Variants in MTMR4 observed in about 807,000 individuals in gnomAD.
The protein encoded by MTMR4 is phosphatidylinositol-3,5-bisphosphate 3-phosphatase MTMR4.
Under a neutral mutation model 125.5 loss-of-function variants are expected in MTMR4, and 30 were observed. The ratio of observed to expected loss-of-function variants is 0.24; its 90% CI spans 0.18 to 0.32. The LOEUF (loss-of-function observed/expected upper bound fraction) is 0.32, where lower values mean the gene tolerates loss of function less well. MTMR4 is among the 10% of genes least tolerant of loss of function. MTMR4 has a pLI of 1.00. For synonymous variants in MTMR4, 498 were observed against 564.5 expected, an observed-to-expected ratio of 0.88 and a Z score of 1.67; for missense variants, 1,039 against 1,511.5, an observed-to-expected ratio of 0.69 and a Z score of 5.18.
In MTMR4 at chr17:58,496,155, C is replaced by A. The variant is rs373927974; in HGVS notation, c.2029G>T (p.Val677Leu). Residue 677 changes from valine (V) to leucine (L), a missense_variant, in exon 15 of 18, where the codon GTA becomes TTA. Around this residue, in one of 6 missense-constraint regions of MTMR4, gnomAD observed 619 missense variants for 714.5 expected, o/e 0.87. Coordinates refer to ENST00000682306, the MANE Select transcript of MTMR4 (RefSeq NM_001378067.1). The part of the protein sequence containing the change: ...GSETSFVDSG[V>L]GGPQQTVGEV... ...CCTACAGTTTGCTGAGGCCCTCCTA[C>A]CCCAGAGTCCACAAAGCTTGTCTCT... 3.7e-6 allele frequency: 6 copies of A among 1,614,178 alleles called. No homozygotes were observed. The East Asian group carries it at 1.3e-4, about 36-fold the overall frequency.
intron 7 of MTMR4, 92 bp from the exon 8 acceptor site, chr17:58,507,411 AG>A: frequency 8.7e-7 from 1 of 1,148,656 alleles, no homozygotes; most frequent in South Asian, 1.5e-5. Flanking sequence ...TAGAGCCAGC[AG>A]GGGCTACCAA....
At position 58,495,350 on chromosome 17, in the gene MTMR4, C is replaced by T. The variant is rs1350892333; in HGVS notation, c.2834G>A (p.Gly945Asp). Reference sequence around the variant, plus strand: ...ACTGTTTGGCCTCTTGCTACAACAGCCATAGGAAAGCAGCCGCCGAGGGGT... The same window carrying T: ...ACTGTTTGGCCTCTTGCTACAACAGTCATAGGAAAGCAGCCGCCGAGGGGT... Reference protein sequence around the residue: ...EATPRRLLSYGCCSKRPNSKQ... With the variant: ...EATPRRLLSYDCCSKRPNSKQ... The change falls in exon 15 of 18, where the codon GGC (glycine) becomes GAC (aspartate). Residue 945 changes from glycine (G) to aspartate (D), a missense_variant. Gly to Asp is a moderately conservative substitution (Grantham distance 94). Coordinates refer to ENST00000682306, the MANE Select transcript of MTMR4 (RefSeq NM_001378067.1). 2 of 1,614,118 alleles carry T rather than the reference C, an allele frequency of 1.2e-6. No homozygotes were observed. The highest frequency in any genetic ancestry group is 1.7e-5 in the Admixed American group (1 of 60,010).
Position 58,504,885 on chromosome 17 carries a change from C to T in MTMR4, c.1235G>A (p.Arg412Gln), listed in dbSNP as rs757153529. 6.2e-6 allele frequency: 10 copies of T among 1,614,112 alleles called. No homozygotes were observed. Among genetic ancestry groups the T allele is most frequent in the African/African-American group, 5.3e-5 (4 of 74,946 alleles). ...AAVLVANTVD[R>Q]EGRPVLVHCS... ...GTGTACCAGCACAGGCCGGCCTTCC[C>T]GGTCTACTGTATTAGCCACCAGCAC... The change falls in exon 11 of 18, where the codon CGG becomes CAG. Residue 412 changes from arginine (R) to glutamine (Q), a missense_variant. Physicochemically the swap from Arg to Gln is conservative, Grantham distance 43 (BLOSUM62 1). This residue lies in a region of MTMR4 where 107 missense variants were observed against 267.4 expected (regional missense o/e 0.40). Coordinates refer to ENST00000682306, the MANE Select transcript of MTMR4 (RefSeq NM_001378067.1). This position sits in a 1 kb window ranked among gnomAD's most constrained non-coding sequence, Gnocchi z 7.1.
At chr17:58,515,752 G>A (rs1976071174), upstream of MTMR4, among the ~76,000 whole-genome samples, 1 of 152,138 alleles carries the variant, frequency 6.6e-6, no homozygotes, top group East Asian at 1.9e-4. Flanking sequence ...TGAACCAATA[G>A]TGCACACACC....
At position 58,508,345 on chromosome 17, in the gene MTMR4, C is replaced by T. The variant is rs1049033291; in HGVS notation, c.594-71G>A. The stretch of plus-strand genomic sequence containing the variant: ...GTGATGACAGGATCCCTGGGGATGG[C>T]TTTGTGGGAAGAGAAACCATGAGCC... On this transcript the variant is annotated intron_variant, in intron 6 of 17. Coordinates refer to ENST00000682306, the MANE Select transcript of MTMR4 (RefSeq NM_001378067.1). The surrounding 1 kb of genome is among the most constrained non-coding windows in gnomAD (Gnocchi z 4.8). The T allele has an allele frequency of 1.9e-6, 3 of 1,559,416 alleles. No individual in the cohort carries two copies. The highest frequency in any genetic ancestry group is 1.4e-5 in the African/African-American group (1 of 73,882).
Position 58,491,787 on chromosome 17 carries a change from G to A in MTMR4, c.3506C>T (p.Pro1169Leu), listed in dbSNP as rs1244178536. ...AGCCHLKLPI[P>L]DQQLYDPVLV... ...AACTGGGTCATAGAGTTGCTGATCA[G>A]GAATGGGCAGCTTCAGGTGGCAGCA... The change falls in exon 18 of 18, where the codon CCT becomes CTT. Residue 1169 changes from proline to leucine, a missense_variant. By Grantham distance (98) the Pro-to-Leu change is moderately conservative. This residue lies in a region of MTMR4 where 60 missense variants were observed against 129.6 expected (regional missense o/e 0.46). Coordinates refer to ENST00000682306, the MANE Select transcript of MTMR4 (RefSeq NM_001378067.1). The A allele has an allele frequency of 1.9e-6, 3 of 1,613,892 alleles. No individual in the cohort carries two copies. Among genetic ancestry groups the A allele is most frequent in the Non-Finnish European group, 2.5e-6 (3 of 1,179,910 alleles).
Position 58,494,158 on chromosome 17 carries a change from C to CA in MTMR4, c.3252+773dup, listed in dbSNP as rs953025169. 4.3e-3 allele frequency among the ~76,000 whole-genome samples: 607 copies of CA among 142,114 alleles called. 7 individuals are homozygous for CA. Among genetic ancestry groups the CA allele is most frequent in the African/African-American group, 0.014 (547 of 38,918 alleles). The allele number at this position is 142,114 out of a possible 152,430, so 93.2% of individuals were successfully genotyped here. A position where few individuals can be genotyped will look rare whatever the true frequency, so the allele number is the denominator to read the frequency against. On this transcript the variant is annotated intron_variant, in intron 15 of 17. Transcript: ENST00000682306. Reference sequence around the variant, plus strand: ...TGAGACCCCATCTCTACTAAAAATACAAAAAAAAAAAATTAGCTGGGCATG... The same window carrying CA: ...TGAGACCCCATCTCTACTAAAAATACAAAAAAAAAAAAATTAGCTGGGCATG...
At chr17:58,509,215 C>A (rs1196811837) in intron 4 of MTMR4, among the ~76,000 whole-genome samples, 1 of 151,656 alleles carries the variant, frequency 6.6e-6, no homozygotes, top group South Asian at 2.1e-4. Context: ...CTGCTTCAGG[C>A]GGGAAGTTCT....
At chr17:58,517,101 CAG>C (rs1401991598), upstream of MTMR4, among the ~76,000 whole-genome samples, 3 of 152,210 alleles carry the variant, frequency 2.0e-5, no homozygotes, top group Admixed American at 2.0e-4. Flanking sequence ...TTACTGGGGG[CAG>C]AGTCCAGAGT....
intron 17 of MTMR4, 102 bp downstream of exon 17, chr17:58,492,409 T>A: frequency 1.0e-6 from 1 of 959,486 alleles, no homozygotes; most frequent in Non-Finnish European, 1.6e-6. Flanking sequence ...CACCTCATGA[T>A]CCGCCTGCCT....
At chr17:58,517,476 A>G (rs1258198491), upstream of MTMR4, among the ~76,000 whole-genome samples, 1 of 152,208 alleles carries the variant, frequency 6.6e-6, no homozygotes, top group Non-Finnish European at 1.5e-5. Context: ...TCCCTAGGCC[A>G]TTCTCCCTCA....
rs938192753 is a variant in MTMR4 at position 58,512,663 on chromosome 17, G to T, written c.136-157C>A. Reference sequence around the variant, plus strand: ...ACAGCACCAGGCAACAGCTGTACAGGAAAGCTGCCTTTCCTTCCCTGCGGC... The same window carrying T: ...ACAGCACCAGGCAACAGCTGTACAGTAAAGCTGCCTTTCCTTCCCTGCGGC... On this transcript the variant is annotated intron_variant, in intron 2 of 17. Transcript: ENST00000682306. The surrounding 1 kb of genome is among the most constrained non-coding windows in gnomAD (Gnocchi z 4.1). Among the ~76,000 whole-genome samples, 13 of 152,202 alleles carry T rather than the reference G, an allele frequency of 8.5e-5. No individual in the cohort carries two copies. The highest frequency in any genetic ancestry group is 3.1e-4 in the African/African-American group (13 of 41,446).
At chr17:58,496,385 T>C (rs1477486105) in intron 14 of MTMR4, 55 bp from the exon 15 acceptor site, 13 of 1,398,466 alleles carry the variant, frequency 9.3e-6, no homozygotes, top group Non-Finnish European at 1.3e-5. Context: ...TGCAATACAA[T>C]ATATGGAACT....
intron 14 of MTMR4, 78 bp from the exon 15 acceptor site, chr17:58,496,408 C>T (rs1425563918): frequency 8.3e-7 from 1 of 1,211,794 alleles, no homozygotes. Flanking sequence ...ATCAATGGAG[C>T]AATATCAAAG....
At position 58,490,565 on chromosome 17, in the gene MTMR4, T is replaced by G. The variant is rs1975289497; in HGVS notation, c.*1098A>C. ...GTGCACAGAAATAGACAGCAGCATT[T>G]GTACTGAAACCCTCACATACCAAAC... On this transcript the variant is annotated 3_prime_UTR_variant, in exon 18 of 18. Coordinates refer to ENST00000682306, the MANE Select transcript of MTMR4 (RefSeq NM_001378067.1). 6.6e-6 allele frequency: 1 copy of G among 152,668 alleles called. No homozygotes were observed. Among genetic ancestry groups the G allele is most frequent in the Non-Finnish European group, 1.5e-5 (1 of 68,058 alleles). The allele number at this position is 152,668 out of a possible 1,614,324, so 9.5% of individuals were successfully genotyped here. A position where few individuals can be genotyped will look rare whatever the true frequency, so the allele number is the denominator to read the frequency against.
upstream of MTMR4, among the ~76,000 whole-genome samples, chr17:58,518,229 C>T (rs527398672): frequency 2.0e-5 from 3 of 152,334 alleles, no homozygotes; most frequent in Admixed American, 1.3e-4. Context: ...GGAGGCGGCT[C>T]GTCGCCTACT....
At chr17:58,497,013 A>C (rs1975487275) in intron 14 of MTMR4, among the ~76,000 whole-genome samples, 1 of 151,664 alleles carries the variant, frequency 6.6e-6, no homozygotes, top group South Asian at 2.1e-4. Flanking sequence ...GCCCCATGAA[A>C]CTTCCCCTAG....
chr17:58,491,871 C>G (rs1222811669), intron 17 of MTMR4, 31 bp from the exon 18 acceptor site: 2 of 1,602,442 alleles, frequency 1.2e-6, no homozygotes, highest in Admixed American at 1.7e-5. Flanking sequence ...AAGAGTTCAT[C>G]AGAAATGCCA....
At chr17:58,513,577 G>C (rs9915215) in intron 1 of MTMR4, among the ~76,000 whole-genome samples, 1 of 152,084 alleles carries the variant, frequency 6.6e-6, no homozygotes, top group African/African-American at 2.4e-5. Flanking sequence ...GCTAATCAGA[G>C]GGGAATTCCT....
Sources: gnomAD v4.1 joint callset for allele counts (sites outside exome capture counted in the v4.1 genomes callset) on GRCh38, gnomAD v4.1.1 for gene constraint, gnomAD v4.1.1 regional missense constraint, Gnocchi (gnomAD v3.1) non-coding constraint, MANE v1.5 for transcripts, NCBI Gene and HGNC (gene_info 2026-07-23, HGNC 2026-07-21) for gene names.